Variants in UBASH3B observed in about 807,000 individuals in gnomAD.
The protein encoded by UBASH3B is ubiquitin associated and SH3 domain containing B.
A neutral mutation model predicts 83.4 loss-of-function variants in UBASH3B; 37 were observed. That is an observed-to-expected ratio of 0.44 (90% CI 0.34 to 0.58). UBASH3B has a LOEUF of 0.58. UBASH3B is among the 20% of genes least tolerant of loss of function. The pLI, the probability that UBASH3B is intolerant of heterozygous loss-of-function variation, is 0.01. For synonymous variants in UBASH3B, 304 were observed against 318.3 expected (o/e 0.96, Z 0.48); for missense variants, 657 against 827.2 (o/e 0.79, Z 2.52).
At chr11:122,802,199 C>A (rs1301634168) in intron 11 of UBASH3B, among the ~76,000 whole-genome samples, 2 of 151,348 alleles carry the variant, frequency 1.3e-5, no homozygotes, top group Non-Finnish European at 2.9e-5. Context: ...CCTGTAGTCC[C>A]AGCTACTAAG....
intron 1 of UBASH3B, among the ~76,000 whole-genome samples, chr11:122,700,653 C>A (rs894452288): frequency 2.6e-5 from 4 of 152,070 alleles, no homozygotes; most frequent in Non-Finnish European, 5.9e-5. Context: ...CTCACCACCA[C>A]ACCCAGCTAA....
intron 1 of UBASH3B, among the ~76,000 whole-genome samples, chr11:122,760,152 G>A (rs1175114564): frequency 6.6e-6 from 1 of 152,172 alleles, no homozygotes; most frequent in Non-Finnish European, 1.5e-5. Flanking sequence ...GTAGCTCATG[G>A]TCTATTGCAA....
chr11:122,731,563 T>C (rs1565544949), intron 1 of UBASH3B, among the ~76,000 whole-genome samples: 1 of 151,832 alleles, frequency 6.6e-6, no homozygotes, highest in Non-Finnish European at 1.5e-5. Context: ...AGGCGGAGAG[T>C]GCAAACAGTG....
chr11:122,718,479 G>A (rs1860563905), intron 1 of UBASH3B, among the ~76,000 whole-genome samples: 1 of 152,062 alleles, frequency 6.6e-6, no homozygotes, highest in Admixed American at 6.6e-5. Context: ...TGTGACCTTG[G>A]GCAAGTTATT....
At chr11:122,661,885 AT>A (rs1463652836) in intron 1 of UBASH3B, among the ~76,000 whole-genome samples, 5 of 150,370 alleles carry the variant, frequency 3.3e-5, no homozygotes, top group African/African-American at 7.3e-5. Context: ...AAAAAAAAAA[AT>A]ACCTTGATAT....
At chr11:122,726,436 G>T in intron 1 of UBASH3B, 1 of 143,608 alleles carries the variant, frequency 7.0e-6, no homozygotes. Flanking sequence ...TGCAGCCTCC[G>T]CCTCCCGGAT....
chr11:122,779,731 G>A (rs752506793), intron 4 of UBASH3B, 36 bp downstream of exon 4: 1 of 1,612,010 alleles, frequency 6.2e-7, no homozygotes, highest in Non-Finnish European at 8.5e-7. Flanking sequence ...CCTGGGCCCT[G>A]TCAATCAAAG....
At chr11:122,674,190 G>A (rs1032401303) in intron 1 of UBASH3B, among the ~76,000 whole-genome samples, 3 of 152,218 alleles carry the variant, frequency 2.0e-5, no homozygotes, top group African/African-American at 7.2e-5. Context: ...ACACAGAGAT[G>A]TAAACGGTGC....
At chr11:122,722,713 T>TTC (rs947792233) in intron 1 of UBASH3B, among the ~76,000 whole-genome samples, 2 of 151,624 alleles carry the variant, frequency 1.3e-5, no homozygotes, top group African/African-American at 4.8e-5. Context: ...GGTATTTCTT[T>TTC]TTTTTTTTTT....
intron 1 of UBASH3B, among the ~76,000 whole-genome samples, chr11:122,766,097 C>T (rs1860530649): frequency 6.6e-6 from 1 of 152,146 alleles, no homozygotes; most frequent in Non-Finnish European, 1.5e-5. Context: ...GCTGTGGATA[C>T]CCAGGGTCCT....
chr11:122,741,095 C>T (rs1371565471), intron 1 of UBASH3B, among the ~76,000 whole-genome samples: 1 of 152,118 alleles, frequency 6.6e-6, no homozygotes, highest in Non-Finnish European at 1.5e-5. Flanking sequence ...GCTCTTTTCA[C>T]CTTAAAAATG....
intron 1 of UBASH3B, among the ~76,000 whole-genome samples, chr11:122,704,775 G>T (rs1268897095): frequency 6.6e-6 from 1 of 151,912 alleles, no homozygotes; most frequent in South Asian, 2.1e-4. Flanking sequence ...CTCCCAAACT[G>T]CTGGGATTAC....
At chr11:122,710,710 G>A (rs1382263479) in intron 1 of UBASH3B, among the ~76,000 whole-genome samples, 1 of 152,126 alleles carries the variant, frequency 6.6e-6, no homozygotes, top group African/African-American at 2.4e-5. Flanking sequence ...AGGGCCTGCT[G>A]GGGAGAATTG....
chr11:122,758,973 T>G lies in UBASH3B; in HGVS notation c.162-17246T>G, dbSNP rs188572530. On this transcript the variant is annotated intron_variant, in intron 1 of 13. Coordinates refer to ENST00000284273, the MANE Select transcript of UBASH3B (RefSeq NM_032873.5). The surrounding 1 kb of genome is among the most constrained non-coding windows in gnomAD (Gnocchi z 4.2). ...GTTTTCACTTTTTATGACTCAGCAC[T>G]CTAACTTTAGTGGCTTAAAACACAC... 4.6e-5 allele frequency among the ~76,000 whole-genome samples: 7 copies of G among 152,302 alleles called. No homozygotes were observed. The highest frequency in any genetic ancestry group is 1.4e-4 in the African/African-American group (6 of 41,548).
Position 122,761,779 on chromosome 11 carries a change from CTTTTTTTTTTTTT to C in UBASH3B, c.162-14421_162-14409del, listed in dbSNP as rs138806467. ...CATTTTCATCTGTTTCTCCCAGATC[CTTTTTTTTTTTTT>C]TTTTTTTTTTTTTTTTTTGAGACAG... On this transcript the variant is annotated intron_variant, in intron 1 of 13. Coordinates refer to ENST00000284273, the MANE Select transcript of UBASH3B (RefSeq NM_032873.5). 5.5e-3 allele frequency among the ~76,000 whole-genome samples: 363 copies of C among 65,428 alleles called. 4 individuals carry two copies. The highest frequency in any genetic ancestry group is 0.018 in the African/African-American group (274 of 15,070). The allele number at this position is 65,428 out of a possible 152,430, so 42.9% of individuals were successfully genotyped here.
Position 122,725,796 on chromosome 11 carries a change from C to T in UBASH3B, c.162-50423C>T, listed in dbSNP as rs548960155. Among the ~76,000 whole-genome samples the T allele has an allele frequency of 6.6e-5, 10 of 152,188 alleles. No homozygotes were observed. The East Asian group carries it at 7.7e-4, about 12-fold the overall frequency. On this transcript the variant is annotated intron_variant, in intron 1 of 13. Coordinates refer to ENST00000284273, the MANE Select transcript of UBASH3B (RefSeq NM_032873.5). ...GCAACCTCCGCCTCCCGGGTTCAAG[C>T]GATTCTCCTGCCTCAGCCTCCTGAG...
At chr11:122,746,049 G>A (rs1188789673) in intron 1 of UBASH3B, among the ~76,000 whole-genome samples, 1 of 152,188 alleles carries the variant, frequency 6.6e-6, no homozygotes, top group Non-Finnish European at 1.5e-5. Context: ...TGTGTGGGAT[G>A]GATGAACGGA....
intron 1 of UBASH3B, among the ~76,000 whole-genome samples, chr11:122,719,001 C>T (rs1219769585): frequency 6.6e-6 from 1 of 152,296 alleles, no homozygotes; most frequent in East Asian, 1.9e-4. Flanking sequence ...TGATCCACTG[C>T]ACTCCAGCCT....
At chr11:122,801,094 G>A in intron 10 of UBASH3B, 94 bp from the exon 11 acceptor site, 1 of 1,477,060 alleles carries the variant, frequency 6.8e-7, no homozygotes, top group Non-Finnish European at 9.2e-7. Flanking sequence ...CAGCCAGTAG[G>A]AAAGAGAATA....
Sources: allele counts gnomAD v4.1 joint callset (sites outside exome capture counted in the v4.1 genomes callset), GRCh38; gene constraint gnomAD v4.1.1; non-coding constraint Gnocchi (gnomAD v3.1); transcripts MANE v1.5; gene names NCBI Gene and HGNC (gene_info 2026-07-23, HGNC 2026-07-21).